DNAH17: variants seen among roughly 807,000 people sequenced by gnomAD.
DNAH17 encodes the protein dynein axonemal heavy chain 17.
A neutral mutation model predicts 485.6 loss-of-function variants in DNAH17; 376 were observed. The observed-to-expected ratio is 0.77, with a 90% CI of 0.71 to 0.84. The LOEUF (loss-of-function observed/expected upper bound fraction) is 0.84, where lower values mean the gene tolerates loss of function less well. Among genes scored for constraint, DNAH17 ranks in the 40% least tolerant of loss-of-function variants. The pLI is 0.00. For synonymous variants in DNAH17, 3,031 were observed against 2,405.9 expected, an observed-to-expected ratio of 1.26 and a Z score of -7.60; for missense variants, 6,370 against 5,839.3, an observed-to-expected ratio of 1.09 and a Z score of -2.96.
At position 78,506,836 on chromosome 17, in the gene DNAH17, A is replaced by T. The variant is rs771459154; in HGVS notation, c.4687T>A (p.Cys1563Ser). The part of the protein sequence containing the change: ...LEALKKSLAI[C>S]EKALAEYLET... ...AAATACTCTGCCAAAGCCTTTTCAC[A>T]GATGGCCAAGCTGGGAGGAAGGAAG... The change falls in exon 30 of 81, where the codon TGT becomes AGT. Residue 1563 changes from cysteine to serine, a missense_variant. Physicochemically the swap from Cys to Ser is moderately radical, Grantham distance 112. Transcript: ENST00000389840. The T allele has an allele frequency of 7.4e-6, 12 of 1,613,860 alleles. No individual in the cohort carries two copies. In the African/African-American group the frequency reaches 1.5e-4, roughly 20 times the overall value.
chr17:78,430,685 A>G (rs2086641270), intron 75 of DNAH17, among the ~76,000 whole-genome samples: 1 of 146,928 alleles, frequency 6.8e-6, no homozygotes, highest in African/African-American at 2.5e-5. Flanking sequence ...GGTTCAAGCA[A>G]TTCTCCTGCC....
intron 15 of DNAH17, among the ~76,000 whole-genome samples, chr17:78,552,298 C>T (rs1015291370): frequency 2.6e-5 from 4 of 152,146 alleles, no homozygotes; most frequent in Non-Finnish European, 5.9e-5. Flanking sequence ...GACAGGGACT[C>T]GTGACTACAC....
At chr17:78,563,091 G>A (rs1351666901) in intron 11 of DNAH17, among the ~76,000 whole-genome samples, 2 of 152,206 alleles carry the variant, frequency 1.3e-5, no homozygotes, top group East Asian at 3.8e-4. Context: ...TGCGAAGAGA[G>A]GGAGATTTTT....
At chr17:78,558,373 G>A in intron 13 of DNAH17, 119 bp from the exon 14 acceptor site, 1 of 1,255,188 alleles carries the variant, frequency 8.0e-7, no homozygotes, top group Non-Finnish European at 1.1e-6. Flanking sequence ...GGATCTCAAA[G>A]TTGGTGGGAG....
chr17:78,541,930 G>A (rs539704548), intron 17 of DNAH17, among the ~76,000 whole-genome samples: 2 of 152,090 alleles, frequency 1.3e-5, no homozygotes, highest in African/African-American at 4.8e-5. Flanking sequence ...ATGGGAACTG[G>A]GAATGAGGCA....
At chr17:78,542,144 C>CTT (rs375269334) in intron 17 of DNAH17, among the ~76,000 whole-genome samples, 1 of 130,968 alleles carries the variant, frequency 7.6e-6, no homozygotes, top group Admixed American at 7.7e-5. Flanking sequence ...CCCTAAAATA[C>CTT]TTTTTTTTTT....
intron 80 of DNAH17, 127 bp downstream of exon 80, chr17:78,425,219 G>C (rs1468150745): frequency 7.8e-6 from 7 of 897,608 alleles, no homozygotes; most frequent in Admixed American, 4.9e-5. Flanking sequence ...CCCCCTGAGA[G>C]CACCTCTCTC....
At chr17:78,552,934 T>C in intron 14 of DNAH17, 129 bp from the exon 15 acceptor site, 1 of 682,780 alleles carries the variant, frequency 1.5e-6, no homozygotes, top group East Asian at 2.6e-5. Flanking sequence ...AGGTCTCATG[T>C]TGAATTGTAA....
At chr17:78,559,363 C>T (rs1377893052) in intron 13 of DNAH17, among the ~76,000 whole-genome samples, 1 of 152,246 alleles carries the variant, frequency 6.6e-6, no homozygotes, top group Non-Finnish European at 1.5e-5. Flanking sequence ...TCTGCCCCAC[C>T]TGCCCTCTTG....
At position 78,506,868 on chromosome 17, in the gene DNAH17, G is replaced by A. The variant is rs370862261; in HGVS notation, c.4677-22C>T. On this transcript the variant is annotated intron_variant, in intron 29 of 80. Transcript: ENST00000389840. ...CAAGCTGGGAGGAAGGAAGGAAGTA[G>A]AGGAGGCCGGTGACCCTACTCTGTA... 15 of 1,613,632 alleles carry A rather than the reference G, an allele frequency of 9.3e-6. No individual in the cohort carries two copies. The African/African-American group carries it at 1.7e-4, about 19-fold the overall frequency.
chr17:78,495,907 C>T lies in DNAH17; in HGVS notation c.5871G>A (p.Ala1957=), dbSNP rs772857970. 10 of 1,613,822 alleles carry T rather than the reference C, an allele frequency of 6.2e-6. No individual in the cohort carries two copies. The highest frequency in any genetic ancestry group is 1.7e-4 in the Middle Eastern group (1 of 6,060). Residue 1957 remains alanine (A), a synonymous_variant, in exon 38 of 81, where the codon GCG becomes GCA. Transcript: ENST00000389840. ...ITMNPGYAGR[A]ELPENLKALF... is the part of the protein sequence containing the mutation. ...AGGCTTTTAGGTTCTCAGGCAGCTC[C>T]GCGCGTCCGGCGTACCCAGGGTTCA...
At chr17:78,573,347 C>T (rs551796353) in intron 2 of DNAH17, among the ~76,000 whole-genome samples, 2 of 152,106 alleles carry the variant, frequency 1.3e-5, no homozygotes, top group African/African-American at 4.8e-5. Context: ...CCTGTAAATC[C>T]TAGGACTTAG....
At chr17:78,444,876 G>C (rs1251802435) in intron 70 of DNAH17, 79 bp from the exon 71 acceptor site, 3 of 1,387,622 alleles carry the variant, frequency 2.2e-6, no homozygotes, top group Non-Finnish European at 2.9e-6. Context: ...GTTCATTCAA[G>C]GAGGAGAGGC....
chr17:78,527,123 C>G (rs757887476), intron 22 of DNAH17, 127 bp from the exon 23 acceptor site: 8 of 717,190 alleles, frequency 1.1e-5, no homozygotes, highest in Non-Finnish European at 1.8e-5. Context: ...TGGCTCACAC[C>G]TGTAATCTCA....
rs773269274 is a variant in DNAH17 at position 78,491,437 on chromosome 17, G to T, written c.6669+6C>A. On this transcript the variant is annotated splice_donor_region_variant and intron_variant, in intron 43 of 80. Transcript: ENST00000389840. ...CCTTGGGGCTTAGAGTCCAGGGCCC[G>T]CGAACCTTGTTGTCATCCATGACTG... 1.9e-6 allele frequency: 3 copies of T among 1,611,736 alleles called. No homozygotes were observed. Among genetic ancestry groups the T allele is most frequent in the South Asian group, 1.1e-5 (1 of 90,440 alleles).
Position 78,575,007 on chromosome 17 carries a change from G to A in DNAH17, c.51C>T (p.Ser17=), listed in dbSNP as rs1282069549. ...VRLEYLEEVA[S]IVLKFKPDKW... is the part of the protein sequence containing the mutation. The stretch of plus-strand genomic sequence containing the variant: ...TGTCCGGCTTGAACTTCAGGACGAT[G>A]GAGGCAACTTCCTCCAGATACTCTA... Residue 17 remains serine, a synonymous_variant, in exon 2 of 81, where the codon TCC becomes TCT. Coordinates refer to ENST00000389840, the MANE Select transcript of DNAH17 (RefSeq NM_173628.4). 2.5e-6 allele frequency: 4 copies of A among 1,613,848 alleles called. No homozygotes were observed. The highest frequency in any genetic ancestry group is 2.7e-5 in the African/African-American group (2 of 74,918).
chr17:78,431,061 T>G (rs2086653753), intron 75 of DNAH17, among the ~76,000 whole-genome samples: 1 of 151,990 alleles, frequency 6.6e-6, no homozygotes, highest in African/African-American at 2.4e-5. Flanking sequence ...TTATTTTTTG[T>G]AGAGACAGGG....
chr17:78,473,543 C>CAAAAAAAAAAAAAAAAAAAAA (rs758795883), intron 54 of DNAH17, among the ~76,000 whole-genome samples: 1 of 55,446 alleles, frequency 1.8e-5, no homozygotes. Flanking sequence ...GACTCTGTCT[C>CAAAAAAAAAAAAAAAAAAAAA]AAAAAAAAAA....
chr17:78,449,768 T>C (rs2146489469), intron 68 of DNAH17, 184 bp from the exon 69 acceptor site: 1 of 593,428 alleles, frequency 1.7e-6, no homozygotes, highest in Non-Finnish European at 3.0e-6. Flanking sequence ...CCCTCTGCAG[T>C]GAGGGAGGTT....
Sources: allele counts gnomAD v4.1 joint callset (sites outside exome capture counted in the v4.1 genomes callset), GRCh38; gene constraint gnomAD v4.1.1; transcripts MANE v1.5; gene names NCBI Gene and HGNC (gene_info 2026-07-23, HGNC 2026-07-21).